ZNF486: variants seen among roughly 807,000 people sequenced by gnomAD.
ZNF486 encodes the protein zinc finger protein 486.
In ZNF486, 12 loss-of-function variants were observed where a neutral mutation model predicts 12.8. The observed-to-expected ratio is 0.94, with a 90% CI of 0.60 to 1.52. ZNF486 has a LOEUF of 1.52. ZNF486 is among the 40% of genes most tolerant of loss of function. The pLI, the probability that ZNF486 is intolerant of heterozygous loss-of-function variation, is 0.00. For synonymous variants in ZNF486, 231 were observed against 184.9 expected (o/e 1.25, Z -2.02); for missense variants, 738 against 545.0 (o/e 1.35, Z -3.53).
intron 3 of ZNF486, among the ~76,000 whole-genome samples, chr19:20,195,267 C>T (rs1555717727): frequency 6.6e-6 from 1 of 152,202 alleles, no homozygotes. Context: ...CGCCTGGATT[C>T]AAGCAATTCT....
chr19:20,188,203 G>A (rs1487993287), intron 3 of ZNF486, among the ~76,000 whole-genome samples: 1 of 152,082 alleles, frequency 6.6e-6, no homozygotes, highest in Non-Finnish European at 1.5e-5. Flanking sequence ...AGTAGTCATG[G>A]AGATAGTCTT....
At chr19:20,167,481 C>A in intron 1 of ZNF486, 121 bp downstream of exon 1, 2 of 1,187,988 alleles carry the variant, frequency 1.7e-6, no homozygotes, top group Non-Finnish European at 2.4e-6. Context: ...TTCTCCTTAC[C>A]CAGCTCGGCC....
rs1213615576 is a variant in ZNF486, at chr19:20,198,312, A to G, written c.*210A>G. The G allele has an allele frequency of 1.9e-6, 1 of 520,174 alleles. No individual in the cohort carries two copies. The allele number at this position is 520,174 out of a possible 1,614,324, so 32.2% of individuals were successfully genotyped here. ...GAGATGGGGTTTCTCCATGTTGGTC[A>G]GGCTGGTCTCAATCTCCTAACCTCA... On this transcript the variant is annotated 3_prime_UTR_variant, in exon 4 of 4. Coordinates refer to ENST00000335117, the MANE Select transcript of ZNF486 (RefSeq NM_052852.4).
intron 1 of ZNF486, chr19:20,177,074 ACTCT>A (rs1214837025): frequency 1.3e-5 from 2 of 152,210 alleles, no homozygotes; most frequent in African/African-American, 2.4e-5. Context: ...CTCAGGCCTC[ACTCT>A]CTGATGTGAC....
At chr19:20,189,572 T>A (rs959466407) in intron 3 of ZNF486, among the ~76,000 whole-genome samples, 3 of 152,364 alleles carry the variant, frequency 2.0e-5, no homozygotes, top group East Asian at 1.9e-4. Flanking sequence ...TGTGTTTTTT[T>A]AATTTCTCTA....
In ZNF486 at chr19:20,197,156, C is replaced by G. The variant is rs782278998; in HGVS notation, c.446C>G (p.Thr149Ser). 5 of 1,613,820 alleles carry G rather than the reference C, an allele frequency of 3.1e-6. No individual in the cohort carries two copies. The highest frequency in any genetic ancestry group is 4.2e-6 in the Non-Finnish European group (5 of 1,179,950). Residue 149 changes from threonine to serine, a missense_variant, in exon 4 of 4, where the codon ACC (threonine) becomes AGC (serine). Thr to Ser is a moderately conservative substitution (Grantham distance 58, BLOSUM62 1). Coordinates refer to ENST00000335117, the MANE Select transcript of ZNF486 (RefSeq NM_052852.4). Reference sequence around the variant, plus strand: ...GGACTTAACCAATGTTTGACAACTACCCAGAGCAAAATATTTCAATGTGGT... The same window carrying G: ...GGACTTAACCAATGTTTGACAACTAGCCAGAGCAAAATATTTCAATGTGGT... Reference protein sequence around the residue: ...YNGLNQCLTTTQSKIFQCGKY... With the variant: ...YNGLNQCLTTSQSKIFQCGKY...
chr19:20,184,286 A>G, intron 1 of ZNF486, 70 bp from the exon 2 acceptor site: 6 of 1,601,658 alleles, frequency 3.7e-6, no homozygotes, highest in South Asian at 1.1e-5. Context: ...TTACTCTCTC[A>G]TTTCACCTTA....
chr19:20,173,748 C>T (rs556938302), intron 1 of ZNF486, among the ~76,000 whole-genome samples: 9 of 151,942 alleles, frequency 5.9e-5, no homozygotes, highest in Middle Eastern at 3.4e-3. Flanking sequence ...AGGAGAATGG[C>T]GTGAACATGG....
At chr19:20,195,537 A>T (rs2122684277) in intron 3 of ZNF486, among the ~76,000 whole-genome samples, 1 of 152,190 alleles carries the variant, frequency 6.6e-6, no homozygotes, top group East Asian at 1.9e-4. Flanking sequence ...AAAGTTTATA[A>T]TTTTTTTGAT....
intron 3 of ZNF486, among the ~76,000 whole-genome samples, chr19:20,191,417 A>C (rs2089900894): frequency 6.9e-6 from 1 of 144,964 alleles, no homozygotes. Context: ...CAGTGAGCTG[A>C]GATTGCTCTA....
chr19:20,183,101 C>T (rs528645184), intron 1 of ZNF486, among the ~76,000 whole-genome samples: 26 of 152,278 alleles, frequency 1.7e-4, no homozygotes, highest in African/African-American at 6.3e-4. Context: ...TTTCCTATAT[C>T]CCAGAGCTTT....
chr19:20,197,086 T>G lies in ZNF486; in HGVS notation c.376T>G (p.Cys126Gly), dbSNP rs782286687. 2.5e-6 allele frequency: 4 copies of G among 1,612,468 alleles called. No individual in the cohort carries two copies. In the East Asian group the frequency reaches 8.9e-5, roughly 36 times the overall value. ...TGGCAATTTACACTTTAAAAAAGGCTGTGAAAGTGTGGATGAGTGTAAGTT... is the reference window on the plus strand; with the variant it reads ...TGGCAATTTACACTTTAAAAAAGGCGGTGAAAGTGTGGATGAGTGTAAGTT... Reference protein sequence around the residue: ...GHGNLHFKKGCESVDECKLHK... With the variant: ...GHGNLHFKKGGESVDECKLHK... Residue 126 changes from cysteine (C) to glycine (G), a missense_variant, in exon 4 of 4, where the codon TGT (cysteine) becomes GGT (glycine). By Grantham distance (159) the Cys-to-Gly change is radical. Transcript: ENST00000335117.
chr19:20,196,394 TCTTG>T (rs2089958642), intron 3 of ZNF486, among the ~76,000 whole-genome samples: 1 of 152,202 alleles, frequency 6.6e-6, no homozygotes, highest in African/African-American at 2.4e-5. Flanking sequence ...AGTGGTGCAA[TCTTG>T]GCTTACTGCA....
At chr19:20,177,949 C>T (rs73540114) in intron 1 of ZNF486, among the ~76,000 whole-genome samples, 5,328 of 130,680 alleles carry the variant, frequency 0.041, 366 homozygotes, top group African/African-American at 0.17. Flanking sequence ...TTTTTTGAGA[C>T]GAAGTCTCTC....
At chr19:20,195,211 C>T (rs1258365587) in intron 3 of ZNF486, among the ~76,000 whole-genome samples, 2 of 152,194 alleles carry the variant, frequency 1.3e-5, no homozygotes, top group Admixed American at 1.3e-4. Flanking sequence ...CTCTGTTTCC[C>T]AGGCCGCAGT....
intron 2 of ZNF486, among the ~76,000 whole-genome samples, 155 bp from the exon 3 acceptor site, chr19:20,185,832 A>G (rs2089837700): frequency 6.6e-6 from 1 of 151,000 alleles, no homozygotes; most frequent in Non-Finnish European, 1.5e-5. Flanking sequence ...CTTAAAGTTG[A>G]AAGTATTTTC....
At chr19:20,184,594 T>C in intron 2 of ZNF486, 112 bp downstream of exon 2, 2 of 1,139,904 alleles carry the variant, frequency 1.8e-6, no homozygotes, top group South Asian at 2.1e-5. Flanking sequence ...CCAGATGTCC[T>C]TTTTCCAGAA....
At chr19:20,187,500 G>GTTTTTTTTTTTTTTTTT (rs57208523) in intron 3 of ZNF486, among the ~76,000 whole-genome samples, 1 of 119,662 alleles carries the variant, frequency 8.4e-6, no homozygotes, top group African/African-American at 3.3e-5. Flanking sequence ...ACCTCTTCAA[G>GTTTTTTTTTTTTTTTTT]TTTTTTTTTT....
chr19:20,190,814 A>G (rs1052518774), intron 3 of ZNF486, among the ~76,000 whole-genome samples: 11 of 152,208 alleles, frequency 7.2e-5, no homozygotes, highest in Non-Finnish European at 1.6e-4. Flanking sequence ...TAGTTGGTCT[A>G]TAATATGGTT....
Sources: gnomAD v4.1 joint callset for allele counts (sites outside exome capture counted in the v4.1 genomes callset) on GRCh38, gnomAD v4.1.1 for gene constraint, MANE v1.5 for transcripts, NCBI Gene and HGNC (gene_info 2026-07-23, HGNC 2026-07-21) for gene names.